CBL: variants seen among roughly 807,000 people sequenced by gnomAD.
CBL encodes the protein Cbl proto-oncogene, also known as E3 ubiquitin-protein ligase CBL.
A neutral mutation model predicts 96.9 loss-of-function variants in CBL; 45 were observed. The ratio of observed to expected loss-of-function variants is 0.46; its 90% confidence interval spans 0.37 to 0.60. CBL has a LOEUF of 0.60. CBL is among the 20% of genes least tolerant of loss of function. The pLI is 0.00. For missense variants in CBL, 1,024 were observed against 1,143.5 expected, an observed-to-expected ratio of 0.90 and a Z score of 1.51; for synonymous variants, 420 against 426.8, an observed-to-expected ratio of 0.98 and a Z score of 0.20.
At chr11:119,229,405 T>A (rs1949484091) in intron 1 of CBL, among the ~76,000 whole-genome samples, 1 of 152,228 alleles carries the variant, frequency 6.6e-6, no homozygotes, top group Admixed American at 6.5e-5. Flanking sequence ...GTGAAAATAT[T>A]CATGAACCAA....
intron 2 of CBL, among the ~76,000 whole-genome samples, chr11:119,252,363 C>A (rs1949675610): frequency 6.6e-6 from 1 of 151,858 alleles, no homozygotes; most frequent in African/African-American, 2.4e-5. Context: ...TGAATATTTT[C>A]TTTCTAAAGT....
intron 1 of CBL, among the ~76,000 whole-genome samples, chr11:119,231,989 C>A (rs1462028120): frequency 2.0e-5 from 3 of 151,862 alleles, no homozygotes; most frequent in African/African-American, 7.3e-5. Flanking sequence ...GTAGTCCCAG[C>A]TACCCAGGAG....
intron 1 of CBL, among the ~76,000 whole-genome samples, chr11:119,225,242 G>A (rs1352559242): frequency 6.6e-6 from 1 of 151,910 alleles, no homozygotes; most frequent in African/African-American, 2.4e-5. Context: ...GACTACAGGT[G>A]CATGCCACCA....
chr11:119,221,654 G>T (rs1170125884), intron 1 of CBL, among the ~76,000 whole-genome samples: 4 of 151,568 alleles, frequency 2.6e-5, no homozygotes, highest in Non-Finnish European at 5.9e-5. Flanking sequence ...TGTAATTTCG[G>T]TTACTTGGGA....
chr11:119,208,392 CTT>C (rs1219956349), intron 1 of CBL, among the ~76,000 whole-genome samples: 5 of 143,454 alleles, frequency 3.5e-5, no homozygotes, highest in Non-Finnish European at 3.1e-5. Context: ...ATTCTGTATT[CTT>C]TTTTTTTTTT....
chr11:119,225,605 TCCAGGCTAGTCTTGAACTC>T (rs1378197864), intron 1 of CBL, among the ~76,000 whole-genome samples: 1 of 151,950 alleles, frequency 6.6e-6, no homozygotes, highest in East Asian at 1.9e-4. Flanking sequence ...TGCCATGTTG[TCCAGGCTAGTCTTGAACTC>T]CTAGGCTCAA....
intron 1 of CBL, among the ~76,000 whole-genome samples, chr11:119,228,809 TCTCTC>T (rs1314844142): frequency 2.4e-4 from 30 of 123,058 alleles, no homozygotes; most frequent in African/African-American, 8.9e-4. Flanking sequence ...TCTCTCTCTC[TCTCTC>T]TTTTTTTTTT....
intron 12 of CBL, among the ~76,000 whole-genome samples, chr11:119,292,668 C>T (rs190955144): frequency 6.6e-6 from 1 of 152,338 alleles, no homozygotes; most frequent in South Asian, 2.1e-4. Flanking sequence ...GATCTGCCCG[C>T]CTTGGCCTCC....
intron 9 of CBL, among the ~76,000 whole-genome samples, chr11:119,283,287 T>C (rs1016210443): frequency 6.6e-6 from 1 of 152,224 alleles, no homozygotes; most frequent in Non-Finnish European, 1.5e-5. Context: ...TGTCAGCTAA[T>C]TGGGAACCCG....
intron 2 of CBL, among the ~76,000 whole-genome samples, chr11:119,233,853 T>C (rs1700781576): frequency 6.6e-6 from 1 of 152,204 alleles, no homozygotes; most frequent in Non-Finnish European, 1.5e-5. Flanking sequence ...TACCTTTCCT[T>C]TGGGCCTGTT....
rs1401463148 is a variant in CBL, at chr11:119,300,143, C to T, written c.*362C>T. On this transcript the variant is annotated 3_prime_UTR_variant, in exon 16 of 16. Transcript: ENST00000264033. ...AGACTTCCTGGGTTAAGGATGTGGC[C>T]GTGTGTGTGTGTGTCTGCCTGTGGT... 1.6e-5 allele frequency: 8 copies of T among 491,578 alleles called. No individual in the cohort carries two copies. Among genetic ancestry groups the T allele is most frequent in the Admixed American group, 3.6e-5 (1 of 28,048 alleles). The allele number at this position is 491,578 out of a possible 1,614,324, so 30.5% of individuals were successfully genotyped here.
chr11:119,206,749 G>A, intron 1 of CBL, 137 bp downstream of exon 1: 3 of 895,174 alleles, frequency 3.4e-6, no homozygotes, highest in Non-Finnish European at 4.9e-6. Flanking sequence ...CGGGGTGACC[G>A]GCCGGGGGCG....
At chr11:119,251,295 A>G (rs1427580702) in intron 2 of CBL, among the ~76,000 whole-genome samples, 1 of 152,150 alleles carries the variant, frequency 6.6e-6, no homozygotes, top group Non-Finnish European at 1.5e-5. Flanking sequence ...AGAGTTGTGG[A>G]CACCGAGGCT....
chr11:119,262,893 GA>G (rs957913403), intron 2 of CBL, among the ~76,000 whole-genome samples: 1 of 152,220 alleles, frequency 6.6e-6, no homozygotes, highest in African/African-American at 2.4e-5. Context: ...GTAGTCATTG[GA>G]AAGGAAATGT....
At chr11:119,215,697 T>C (rs1949354565) in intron 1 of CBL, among the ~76,000 whole-genome samples, 1 of 150,134 alleles carries the variant, frequency 6.7e-6, no homozygotes, top group South Asian at 2.1e-4. Context: ...GGTTGTGGCA[T>C]GCGCCTGTAA....
chr11:119,299,383 G>A, intron 15 of CBL, 112 bp from the exon 16 acceptor site: 13 of 974,972 alleles, frequency 1.3e-5, no homozygotes, highest in Non-Finnish European at 1.7e-5. Context: ...AAGAGCACAT[G>A]TACCCAGTTT....
intron 12 of CBL, among the ~76,000 whole-genome samples, chr11:119,290,653 G>A (rs985119536): frequency 2.7e-5 from 4 of 147,302 alleles, no homozygotes; most frequent in African/African-American, 1.0e-4. Flanking sequence ...ACTGAATACA[G>A]CATCTATTTT....
At chr11:119,284,713 A>G (rs1949966633) in intron 9 of CBL, among the ~76,000 whole-genome samples, 1 of 152,148 alleles carries the variant, frequency 6.6e-6, no homozygotes, top group Admixed American at 6.5e-5. Context: ...TCCTTTCTAG[A>G]TAGATTACCT....
Position 119,276,058 on chromosome 11 carries a change from G to T in CBL, c.931G>T (p.Asp311Tyr), listed in dbSNP as rs1949887251. 6.2e-7 allele frequency: 1 copy of T among 1,613,612 alleles called. No homozygotes were observed. Among genetic ancestry groups the T allele is most frequent in the African/African-American group, 1.3e-5 (1 of 74,902 alleles). Reference protein sequence around the residue: ...GQWAIGYVTADGNILQTIPHN... With the variant: ...GQWAIGYVTAYGNILQTIPHN... ...GTGGGCTATTGGGTATGTTACTGCT[G>T]ATGGGAACATTCTCCAGACAATCCC... The change falls in exon 6 of 16, where the codon GAT (aspartate) becomes TAT (tyrosine). Residue 311 changes from aspartate (D) to tyrosine (Y), a missense_variant. Physicochemically the swap from Asp to Tyr is radical, Grantham distance 160. Around this residue, in one of 4 missense-constraint regions of CBL, gnomAD observed 192 missense variants for 321.8 expected, o/e 0.60. Transcript: ENST00000264033.
Sources: allele counts gnomAD v4.1 joint callset (sites outside exome capture counted in the v4.1 genomes callset), GRCh38; gene constraint gnomAD v4.1.1; regional missense constraint gnomAD v4.1.1; transcripts MANE v1.5; gene names NCBI Gene and HGNC (gene_info 2026-07-23, HGNC 2026-07-21).